The following MID1 variants were observed in gnomAD, a reference collection of about 807,000 sequenced individuals.
MID1 encodes E3 ubiquitin-protein ligase Midline-1.
MID1 carries 7 observed loss-of-function variants against 40.4 expected under a neutral mutation model. The ratio of observed to expected loss-of-function variants is 0.17; its 90% CI spans 0.10 to 0.33. MID1 has a LOEUF of 0.33. Among genes scored for constraint, MID1 ranks in the 10% least tolerant of loss-of-function variants. The pLI, the probability that MID1 is intolerant of heterozygous loss-of-function variation, is 1.00. For missense variants in MID1, 367 were observed against 558.5 expected (o/e 0.66, Z 3.46); for synonymous variants, 229 against 221.2 (o/e 1.04, Z -0.31).
At chrX:10,666,406 C>CAAAAAAAA (rs33938561) in intron 1 of MID1, among the ~76,000 whole-genome samples, 4 of 68,805 alleles carry the variant, frequency 5.8e-5, no homozygotes, top group Non-Finnish European at 5.6e-5. Context: ...TGATAAACTG[C>CAAAAAAAA]AAAAAAAAAA....
intron 4 of MID1, among the ~76,000 whole-genome samples, chrX:10,482,893 T>A (rs1375368310): frequency 8.9e-6 from 1 of 112,129 alleles, no homozygotes; most frequent in Admixed American, 9.4e-5. Context: ...AAAAAAGGTG[T>A]TGCCCAGTGG....
At position 10,651,749 on chromosome X, in the gene MID1, C is replaced by T. The variant is rs189485405; in HGVS notation, c.-186-31330G>A. ...CAAGTGATCCTCCCATCTCAGCCTC[C>T]TGAGTAGCTGGGGCTATAGGCACAT... On this transcript the variant is annotated intron_variant, in intron 1 of 10. Transcript: ENST00000380785. 2.7e-5 allele frequency among the ~76,000 whole-genome samples: 3 copies of T among 112,126 alleles called. No individual in the cohort carries two copies. In the East Asian group the frequency reaches 8.5e-4, roughly 32 times the overall value.
chrX:10,628,988 G>T (rs776914880), intron 1 of MID1, among the ~76,000 whole-genome samples: 10 of 111,154 alleles, frequency 9.0e-5, no homozygotes, highest in Non-Finnish European at 1.3e-4. Context: ...TCAGATGCAG[G>T]TCCCCTTTGG....
At chrX:10,622,742 T>C (rs994498092), upstream of MID1, among the ~76,000 whole-genome samples, 1 of 111,173 alleles carries the variant, frequency 9.0e-6, no homozygotes, top group Admixed American at 9.6e-5. Flanking sequence ...CAGTCTAAGG[T>C]ACAGTATTTT....
chrX:10,641,389 C>T (rs1936193375), intron 1 of MID1, among the ~76,000 whole-genome samples: 1 of 112,043 alleles, frequency 8.9e-6, no homozygotes, highest in Admixed American at 9.4e-5. Flanking sequence ...ATACTATAAA[C>T]ACCTCTACAC....
intron 2 of MID1, among the ~76,000 whole-genome samples, chrX:10,550,533 G>T (rs946582878): frequency 7.1e-5 from 8 of 112,019 alleles, no homozygotes; most frequent in Non-Finnish European, 1.5e-4. Flanking sequence ...CTGCCACTCA[G>T]GGCATCTGCA....
At chrX:10,560,270 C>A (rs531269031) in intron 2 of MID1, among the ~76,000 whole-genome samples, 2 of 110,012 alleles carry the variant, frequency 1.8e-5, no homozygotes, top group African/African-American at 6.6e-5. Context: ...ATTTCACTCT[C>A]GGCAAAAAAA....
intron 1 of MID1, among the ~76,000 whole-genome samples, chrX:10,577,977 G>A (rs895444987): frequency 8.9e-6 from 1 of 111,895 alleles, no homozygotes; most frequent in African/African-American, 3.2e-5. Flanking sequence ...CAGACATTTG[G>A]ACTCCACCAA....
At chrX:10,689,217 A>G (rs773007005) in intron 1 of MID1, among the ~76,000 whole-genome samples, 5 of 111,766 alleles carry the variant, frequency 4.5e-5, no homozygotes, top group African/African-American at 6.5e-5. Flanking sequence ...CAAAGAAAAG[A>G]GGTTTAATTG....
chrX:10,825,678 T>G (rs1381649438), intron 1 of MID1, among the ~76,000 whole-genome samples: 1 of 111,229 alleles, frequency 9.0e-6, no homozygotes, highest in Non-Finnish European at 1.9e-5. Context: ...GTAAGGGGGT[T>G]GGAATGAAAT....
intron 1 of MID1, among the ~76,000 whole-genome samples, chrX:10,600,140 A>G (rs1159540986): frequency 4.5e-5 from 5 of 111,284 alleles, no homozygotes; most frequent in African/African-American, 1.6e-4. Flanking sequence ...CCACTTATTC[A>G]TTTATTTATG....
intron 1 of MID1, among the ~76,000 whole-genome samples, chrX:10,830,643 C>T (rs918223849): frequency 9.8e-5 from 11 of 112,168 alleles, no homozygotes; most frequent in Admixed American, 7.6e-4. Flanking sequence ...TTATGTCCAT[C>T]GCCCCTGGAC....
intron 1 of MID1, among the ~76,000 whole-genome samples, chrX:10,568,341 G>T (rs772200455): frequency 1.1e-3 from 126 of 112,070 alleles, no homozygotes; most frequent in African/African-American, 4.0e-3. Context: ...ACGAAGTGGA[G>T]AAAAATATCT....
chrX:10,449,157 A>T lies in MID1; in HGVS notation c.*211T>A, dbSNP rs1928169421. 1.1e-5 allele frequency: 4 copies of T among 364,095 alleles called. No individual in the cohort carries two copies. The highest frequency in any genetic ancestry group is 1.4e-5 in the Non-Finnish European group (3 of 211,385). The allele number at this position is 364,095 out of a possible 1,213,427, so 30.0% of individuals were successfully genotyped here. The stretch of plus-strand genomic sequence containing the variant: ...ATAATCTATAGATTTTCCTCTAAAT[A>T]CAAAAAAATTAAAGAAATTATTAAA... On this transcript the variant is annotated 3_prime_UTR_variant, in exon 10 of 10. Coordinates refer to ENST00000317552, the MANE Select transcript of MID1 (RefSeq NM_000381.4).
chrX:10,662,521 T>C (rs1172381717), intron 1 of MID1, among the ~76,000 whole-genome samples: 1 of 111,333 alleles, frequency 9.0e-6, no homozygotes, highest in Non-Finnish European at 1.9e-5. Context: ...TGTGTATTTG[T>C]GGCATGTATA....
At chrX:10,617,435 C>T (rs1158098554) in intron 1 of MID1, among the ~76,000 whole-genome samples, 1 of 112,411 alleles carries the variant, frequency 8.9e-6, no homozygotes, top group Admixed American at 9.4e-5. Context: ...AACAGATTCA[C>T]GGCTTCCTTG....
intron 4 of MID1, among the ~76,000 whole-genome samples, chrX:10,495,207 T>A (rs1324143842): frequency 8.9e-6 from 1 of 111,863 alleles, no homozygotes; most frequent in African/African-American, 3.3e-5. Context: ...CATTTTTAAT[T>A]TATGTAATGC....
chrX:10,581,007 G>A (rs1462491301), intron 1 of MID1, among the ~76,000 whole-genome samples: 1 of 109,688 alleles, frequency 9.1e-6, no homozygotes, highest in Non-Finnish European at 1.9e-5. Context: ...CCAGCACTGT[G>A]GGAGGCCGAG....
chrX:10,636,785 G>GATAGATATAT (rs1555911853), intron 1 of MID1, among the ~76,000 whole-genome samples: 1 of 42,719 alleles, frequency 2.3e-5, no homozygotes, highest in Admixed American at 2.5e-4. Context: ...CAACAATGGG[G>GATAGATATAT]ATATATATAT....
Sources: allele counts gnomAD v4.1 joint callset (sites outside exome capture counted in the v4.1 genomes callset), GRCh38; gene constraint gnomAD v4.1.1; transcripts MANE v1.5; gene names NCBI Gene and HGNC (gene_info 2026-07-23, HGNC 2026-07-21).